Variants in EPS15 observed in about 807,000 individuals in gnomAD.
EPS15 encodes epidermal growth factor receptor substrate 15.
A neutral mutation model predicts 113.8 loss-of-function variants in EPS15; 72 were observed. That is an observed-to-expected ratio of 0.63 (90% CI 0.52 to 0.77). The LOEUF is 0.77. EPS15 is among the 30% of genes least tolerant of loss of function. The probability of loss-of-function intolerance (pLI) is 0.00; values close to 1 mark genes in which losing one functional copy is unlikely to be tolerated. For synonymous variants in EPS15, 344 were observed against 363.4 expected (o/e 0.95, Z 0.61); for missense variants, 1,048 against 1,045.8 (o/e 1.00, Z -0.03).
At chr1:51,499,435 T>C (rs555077297) in intron 1 of EPS15, among the ~76,000 whole-genome samples, 1 of 152,320 alleles carries the variant, frequency 6.6e-6, no homozygotes, top group South Asian at 2.1e-4. Flanking sequence ...CTATAAACAT[T>C]ACTGTACAAG....
intron 8 of EPS15, among the ~76,000 whole-genome samples, chr1:51,455,647 T>A (rs1235021827): frequency 6.6e-6 from 1 of 152,000 alleles, no homozygotes; most frequent in African/African-American, 2.4e-5. Context: ...TAATGCTCCA[T>A]CAGAGACTTT....
intron 13 of EPS15, among the ~76,000 whole-genome samples, chr1:51,421,394 T>A (rs935329554): frequency 1.6e-4 from 24 of 152,032 alleles, no homozygotes; most frequent in Non-Finnish European, 3.2e-4. Flanking sequence ...CTCACATGCA[T>A]GAAAAAGCAT....
chr1:51,364,720 A>G (rs1646469507), intron 22 of EPS15, among the ~76,000 whole-genome samples: 1 of 152,014 alleles, frequency 6.6e-6, no homozygotes, highest in South Asian at 2.1e-4. Flanking sequence ...GCTGGTCTCG[A>G]ACTCCTGGGC....
chr1:51,421,929 C>A, intron 12 of EPS15, 71 bp from the exon 13 acceptor site: 1 of 1,593,068 alleles, frequency 6.3e-7, no homozygotes, highest in Non-Finnish European at 8.6e-7. Context: ...ATCCATCCTC[C>A]TAATCCTGAA....
At chr1:51,508,322 G>A (rs1432817008) in intron 1 of EPS15, among the ~76,000 whole-genome samples, 2 of 128,798 alleles carry the variant, frequency 1.6e-5, no homozygotes, top group Non-Finnish European at 1.5e-5. Flanking sequence ...AAGAGAGAAA[G>A]AGAGAAAGAG....
chr1:51,464,915 T>C (rs930041462), intron 6 of EPS15, among the ~76,000 whole-genome samples: 1 of 152,200 alleles, frequency 6.6e-6, no homozygotes, highest in African/African-American at 2.4e-5. Context: ...TCATAAAGAA[T>C]TGTTTGTTTT....
intron 12 of EPS15, chr1:51,423,335 C>A: frequency 8.3e-7 from 1 of 1,210,890 alleles, no homozygotes; most frequent in Non-Finnish European, 1.1e-6. Context: ...GACCATCCCC[C>A]ACCTCCAACC....
At chr1:51,444,644 C>A (rs1351477439) in intron 11 of EPS15, among the ~76,000 whole-genome samples, 2 of 152,102 alleles carry the variant, frequency 1.3e-5, no homozygotes, top group African/African-American at 2.4e-5. Flanking sequence ...CCCACATTTT[C>A]CAATTTTAAG....
chr1:51,456,380 A>C (rs1461851515), intron 8 of EPS15, among the ~76,000 whole-genome samples: 1 of 152,194 alleles, frequency 6.6e-6, no homozygotes. Context: ...ACAAACAAAC[A>C]AAAAGCATTT....
intron 2 of EPS15, among the ~76,000 whole-genome samples, chr1:51,476,810 G>C (rs1005876242): frequency 6.6e-6 from 1 of 152,156 alleles, no homozygotes; most frequent in Admixed American, 6.5e-5. Context: ...AAACCCATTT[G>C]ATCATGGTGG....
At chr1:51,391,400 C>T (rs1444489319) in intron 21 of EPS15, among the ~76,000 whole-genome samples, 1 of 151,756 alleles carries the variant, frequency 6.6e-6, no homozygotes, top group Non-Finnish European at 1.5e-5. Flanking sequence ...ACCAGCATGG[C>T]ACATGTATAC....
chr1:51,490,474 A>G (rs1644211580), intron 1 of EPS15: 1 of 234,674 alleles, frequency 4.3e-6, no homozygotes, highest in Non-Finnish European at 8.7e-6. Flanking sequence ...CTGAGGCAGG[A>G]GAATCGCTTG....
Position 51,409,518 on chromosome 1 carries a change from A to T in EPS15, c.1275+17T>A. 1 of 1,597,224 alleles carries T rather than the reference A, an allele frequency of 6.3e-7. No individual in the cohort carries two copies. The highest frequency in any genetic ancestry group is 8.5e-7 in the Non-Finnish European group (1 of 1,175,206). Reference sequence around the variant, plus strand: ...CTAATGTATAGGTGCAGGCAGCAGGAAACAGCCAGACATTACCAGTTGGGC... The same window carrying T: ...CTAATGTATAGGTGCAGGCAGCAGGTAACAGCCAGACATTACCAGTTGGGC... On this transcript the variant is annotated intron_variant, in intron 14 of 24. Transcript: ENST00000371733.
At chr1:51,409,021 C>T (rs1044890684) in intron 14 of EPS15, among the ~76,000 whole-genome samples, 2 of 151,992 alleles carry the variant, frequency 1.3e-5, no homozygotes, top group African/African-American at 4.8e-5. Flanking sequence ...CTCCTGACTT[C>T]GTGATCCGCC....
intron 24 of EPS15, among the ~76,000 whole-genome samples, chr1:51,358,709 G>GTTTTTTTTTTTTTTTTTT (rs71063028): frequency 1.6e-5 from 2 of 121,376 alleles, no homozygotes; most frequent in African/African-American, 6.2e-5. Context: ...GTTTTTTTTT[G>GTTTTTTTTTTTTTTTTTT]TTTTTTTTTT....
intron 23 of EPS15, 88 bp from the exon 24 acceptor site, chr1:51,361,443 C>T (rs1646384294): frequency 1.0e-6 from 1 of 998,968 alleles, no homozygotes; most frequent in African/African-American, 1.6e-5. Flanking sequence ...CATTAAAGTA[C>T]TGTGGGTAGA....
At chr1:51,384,478 T>C (rs1647017097) in intron 21 of EPS15, among the ~76,000 whole-genome samples, 1 of 151,878 alleles carries the variant, frequency 6.6e-6, no homozygotes, top group Non-Finnish European at 1.5e-5. Flanking sequence ...TTTTTGCATT[T>C]TTTTGTAGAG....
intron 21 of EPS15, among the ~76,000 whole-genome samples, chr1:51,380,430 G>A (rs1646915284): frequency 6.6e-6 from 1 of 152,122 alleles, no homozygotes; most frequent in Non-Finnish European, 1.5e-5. Flanking sequence ...CATAAAGTGG[G>A]GAGTGGAGCT....
intron 24 of EPS15, 149 bp downstream of exon 24, chr1:51,361,022 A>G: frequency 1.6e-6 from 1 of 635,086 alleles, no homozygotes; most frequent in South Asian, 2.1e-5. Flanking sequence ...ACAGGATCAA[A>G]CAGAGGTTTT....
Sources: gnomAD v4.1 joint callset for allele counts (sites outside exome capture counted in the v4.1 genomes callset) on GRCh38, gnomAD v4.1.1 for gene constraint, MANE v1.5 for transcripts, NCBI Gene and HGNC (gene_info 2026-07-23, HGNC 2026-07-21) for gene names.